The following KMT2C variants were observed in gnomAD, a reference collection of about 807,000 sequenced individuals.
KMT2C encodes the protein histone-lysine N-methyltransferase 2C.
KMT2C carries 88 observed loss-of-function variants against 507.9 expected under a neutral mutation model. The ratio of observed to expected loss-of-function variants is 0.17; its 90% CI spans 0.15 to 0.21. The LOEUF (loss-of-function observed/expected upper bound fraction) is 0.21. Ranked by LOEUF, KMT2C falls within the 10% of genes least tolerant of loss-of-function variation. The pLI is 1.00. For synonymous variants in KMT2C, 2,049 were observed against 2,080.8 expected (o/e 0.98, Z 0.42); for missense variants, 4,954 against 5,957.8 (o/e 0.83, Z 5.55).
intron 23 of KMT2C, among the ~76,000 whole-genome samples, chr7:152,212,943 G>A (rs1471833235): frequency 1.3e-5 from 2 of 152,252 alleles, no homozygotes; most frequent in Non-Finnish European, 2.9e-5. Flanking sequence ...TACTTGGGGG[G>A]CTGAGGCAGC....
intron 44 of KMT2C, among the ~76,000 whole-genome samples, 186 bp from the exon 45 acceptor site, chr7:152,156,532 C>A (rs917511433): frequency 6.6e-6 from 1 of 152,066 alleles, no homozygotes. Flanking sequence ...AACAGATACT[C>A]GTGATTTTAT....
chr7:152,257,122 A>G (rs2095673522), intron 9 of KMT2C, among the ~76,000 whole-genome samples: 1 of 152,234 alleles, frequency 6.6e-6, no homozygotes, highest in Admixed American at 6.5e-5. Context: ...AGCACAGGCC[A>G]TTGGTTGAGT....
chr7:152,175,992 G>A (rs796924702), intron 38 of KMT2C, among the ~76,000 whole-genome samples, 199 bp downstream of exon 38: 15 of 152,258 alleles, frequency 9.9e-5, no homozygotes, highest in African/African-American at 3.4e-4. Context: ...GCTGTGAGCC[G>A]AGATCGCGCC....
At chr7:152,420,873 TAAATC>T (rs1378396122) in intron 1 of KMT2C, among the ~76,000 whole-genome samples, 2 of 151,414 alleles carry the variant, frequency 1.3e-5, no homozygotes, top group Non-Finnish European at 2.9e-5. Flanking sequence ...GTAAGGAACT[TAAATC>T]AACAAGCAAA....
At chr7:152,210,767 T>C (rs2094437690) in intron 23 of KMT2C, among the ~76,000 whole-genome samples, 2 of 151,930 alleles carry the variant, frequency 1.3e-5, no homozygotes, top group Non-Finnish European at 2.9e-5. Flanking sequence ...AGGGATAATA[T>C]AAGATACCCA....
chr7:152,379,389 T>A (rs2097352578), intron 1 of KMT2C, among the ~76,000 whole-genome samples: 1 of 151,946 alleles, frequency 6.6e-6, no homozygotes, highest in South Asian at 2.1e-4. Flanking sequence ...TATACAAAAA[T>A]AAGCCAGGCG....
chr7:152,202,358 A>G (rs1391475705), intron 26 of KMT2C, among the ~76,000 whole-genome samples: 1 of 152,226 alleles, frequency 6.6e-6, no homozygotes, highest in African/African-American at 2.4e-5. Context: ...ACTCTGACTT[A>G]ATGTTTACAA....
At chr7:152,230,745 G>A (rs879129037) in intron 16 of KMT2C, among the ~76,000 whole-genome samples, 2 of 152,104 alleles carry the variant, frequency 1.3e-5, no homozygotes, top group African/African-American at 4.8e-5. Flanking sequence ...TACATATTAC[G>A]TGTTGAAATG....
At chr7:152,166,614 T>G (rs1047552049) in intron 42 of KMT2C, among the ~76,000 whole-genome samples, 3 of 152,222 alleles carry the variant, frequency 2.0e-5, no homozygotes, top group Admixed American at 1.3e-4. Flanking sequence ...GATTTCATTT[T>G]TCTGGAACAG....
At chr7:152,195,545 A>G (rs1018902543) in intron 28 of KMT2C, 5 of 985,268 alleles carry the variant, frequency 5.1e-6, no homozygotes, top group Non-Finnish European at 6.0e-6. Flanking sequence ...TGAGCTCTCA[A>G]CCTGGAAAGT....
chr7:152,156,751 T>C (rs967104253), intron 44 of KMT2C, among the ~76,000 whole-genome samples: 1 of 152,224 alleles, frequency 6.6e-6, no homozygotes, highest in Non-Finnish European at 1.5e-5. Flanking sequence ...CCTAGTTCTA[T>C]GAAAAACTTA....
chr7:152,395,536 C>T (rs1163641963), intron 1 of KMT2C, among the ~76,000 whole-genome samples: 1 of 150,288 alleles, frequency 6.7e-6, no homozygotes, highest in Admixed American at 6.6e-5. Flanking sequence ...TTGAGACAGT[C>T]TCCCTCTGTC....
At chr7:152,251,699 A>G (rs548815778) in intron 11 of KMT2C, among the ~76,000 whole-genome samples, 10 of 152,180 alleles carry the variant, frequency 6.6e-5, no homozygotes, top group Non-Finnish European at 1.2e-4. Flanking sequence ...CAAGTGAAGG[A>G]AAGCACACTA....
chr7:152,319,344 C>A (rs987466399), intron 3 of KMT2C, among the ~76,000 whole-genome samples: 2 of 152,082 alleles, frequency 1.3e-5, no homozygotes, highest in East Asian at 3.9e-4. Flanking sequence ...ACAATCATAA[C>A]CTAGGAAAAA....
intron 1 of KMT2C, among the ~76,000 whole-genome samples, chr7:152,387,439 G>C (rs1308214259): frequency 1.4e-5 from 2 of 148,120 alleles, no homozygotes; most frequent in Non-Finnish European, 3.0e-5. Flanking sequence ...AAAAAAAAAA[G>C]TGACAAAACA....
intron 56 of KMT2C, among the ~76,000 whole-genome samples, chr7:152,139,462 C>A (rs1478626504): frequency 6.6e-6 from 1 of 152,170 alleles, no homozygotes; most frequent in Non-Finnish European, 1.5e-5. Flanking sequence ...TGAAGCCAGG[C>A]TCATTAATTT....
chr7:152,219,826 AC>A (rs2094708802), intron 23 of KMT2C, among the ~76,000 whole-genome samples: 1 of 151,688 alleles, frequency 6.6e-6, no homozygotes. Context: ...ACATGGCAAA[AC>A]CCCATCTCTA....
In KMT2C at chr7:152,163,915, C is replaced by T. The variant is rs1163613316; in HGVS notation, c.9751-89G>A. On this transcript the variant is annotated intron_variant, in intron 42 of 58. Transcript: ENST00000262189. ...GCTGATGACTGTGGTTGAGGTTACA[C>T]AGAGGGCAGTTTGGCCCTGCAGAAG... 1.8e-5 allele frequency: 24 copies of T among 1,308,464 alleles called. No individual in the cohort carries two copies. The South Asian group carries it at 3.0e-4, about 16-fold the overall frequency. The allele number at this position is 1,308,464 out of a possible 1,614,324, so 81.1% of individuals were successfully genotyped here.
chr7:152,351,632 T>C (rs1042052572), intron 2 of KMT2C, among the ~76,000 whole-genome samples: 5 of 152,216 alleles, frequency 3.3e-5, no homozygotes, highest in Non-Finnish European at 5.9e-5. Context: ...GCTGAAGCCA[T>C]GGTGGAAGAA....
Sources: allele counts gnomAD v4.1 joint callset (sites outside exome capture counted in the v4.1 genomes callset), GRCh38; gene constraint gnomAD v4.1.1; transcripts MANE v1.5; gene names NCBI Gene and HGNC (gene_info 2026-07-23, HGNC 2026-07-21).